The following TENM2 variants were observed in gnomAD, a reference collection of about 807,000 sequenced individuals.
TENM2 encodes the protein teneurin transmembrane protein 2, also known as teneurin-2.
Under a neutral mutation model 245.2 loss-of-function variants are expected in TENM2, and 52 were observed. The observed-to-expected ratio is 0.21, with a 90% CI of 0.17 to 0.27. The LOEUF (loss-of-function observed/expected upper bound fraction) is 0.27. TENM2 is among the 10% of genes least tolerant of loss of function. TENM2 has a pLI of 1.00. For synonymous variants in TENM2, 1,363 were observed against 1,438.9 expected (o/e 0.95, Z 1.19); for missense variants, 3,046 against 3,666.8 (o/e 0.83, Z 4.37).
intron 2 of TENM2, among the ~76,000 whole-genome samples, chr5:167,384,139 C>T (rs1761269161): frequency 6.6e-6 from 1 of 152,122 alleles, no homozygotes; most frequent in Admixed American, 6.5e-5. Flanking sequence ...TGCTGACTTT[C>T]ACTTCCTAGA....
chr5:167,729,491 A>G (rs191432081), intron 2 of TENM2, among the ~76,000 whole-genome samples: 1 of 152,328 alleles, frequency 6.6e-6, no homozygotes, highest in Non-Finnish European at 1.5e-5. Context: ...TTGCAAAATG[A>G]CCATTTTTAT....
At chr5:167,037,717 C>A in the TENM2 span, among the ~76,000 whole-genome samples, 1 of 152,064 alleles carries the variant, frequency 6.6e-6, no homozygotes, top group South Asian at 2.1e-4. Flanking sequence ...GCAAGAGAGG[C>A]AAAGAGAGGA....
At position 167,358,378 on chromosome 5, in the gene TENM2, C is replaced by G. The variant is rs966653481; in HGVS notation, c.227-16820C>G. Among the ~76,000 whole-genome samples the G allele has an allele frequency of 3.3e-5, 5 of 152,056 alleles. No homozygotes were observed. In the East Asian group the frequency reaches 9.6e-4, roughly 29 times the overall value. On this transcript the variant is annotated intron_variant, in intron 1 of 28. Coordinates refer to ENST00000518659, the Ensembl canonical transcript of TENM2. ...CAGCAACATTTGCAACAGTTAATCA[C>G]TCCCTCCTCTTTGACATACTTTCTT... is the stretch of plus-strand genomic sequence containing the variant.
chr5:167,334,166 TG>T (rs1188592594), intron 1 of TENM2, among the ~76,000 whole-genome samples: 3 of 152,230 alleles, frequency 2.0e-5, no homozygotes, highest in Non-Finnish European at 4.4e-5. Context: ...ATTTTGACAA[TG>T]GGAAAATTAA....
chr5:167,120,592 C>G, the TENM2 span, among the ~76,000 whole-genome samples: 1 of 152,114 alleles, frequency 6.6e-6, no homozygotes, highest in East Asian at 1.9e-4. Flanking sequence ...ATTTAGATTC[C>G]GTGGCAGTAC....
intron 4 of TENM2, among the ~76,000 whole-genome samples, chr5:167,977,388 T>C (rs2151954739): frequency 6.6e-6 from 1 of 152,300 alleles, no homozygotes; most frequent in Non-Finnish European, 1.5e-5. Context: ...CGAGTGATTA[T>C]ATAAAAAATT....
chr5:167,035,142 A>G, the TENM2 span, among the ~76,000 whole-genome samples: 1 of 152,186 alleles, frequency 6.6e-6, no homozygotes, highest in Non-Finnish European at 1.5e-5. Flanking sequence ...ATTTTATTTG[A>G]AACAAGCAGA....
intron 7 of TENM2, among the ~76,000 whole-genome samples, chr5:168,081,214 T>G (rs1005694108): frequency 2.6e-5 from 4 of 152,194 alleles, no homozygotes; most frequent in Non-Finnish European, 4.4e-5. Flanking sequence ...TTGATCTTTG[T>G]TGGTTTAAAG....
At chr5:167,241,059 C>CAAATTTTCCTGCACTGT in the TENM2 span, among the ~76,000 whole-genome samples, 395 of 152,176 alleles carry the variant, frequency 2.6e-3, 2 homozygotes, top group African/African-American at 9.3e-3. Context: ...AATCCAATTC[C>CAAATTTTCCTGCACTGT]AAATTGCGTT....
chr5:168,112,625 T>C (rs1581344388), intron 9 of TENM2, among the ~76,000 whole-genome samples: 1 of 132,366 alleles, frequency 7.6e-6, no homozygotes, highest in African/African-American at 2.7e-5. Flanking sequence ...GGTCAAACTT[T>C]ATTACTTTTC....
At chr5:167,436,381 A>G (rs780919097) in intron 2 of TENM2, among the ~76,000 whole-genome samples, 15 of 152,118 alleles carry the variant, frequency 9.9e-5, no homozygotes, top group Non-Finnish European at 1.6e-4. Context: ...ACCACTGGCC[A>G]GAAGAAATTT....
At chr5:167,437,763 A>T (rs544470483) in intron 2 of TENM2, among the ~76,000 whole-genome samples, 1 of 152,086 alleles carries the variant, frequency 6.6e-6, no homozygotes, top group Non-Finnish European at 1.5e-5. Context: ...TGATGATTTG[A>T]AAAGGACAAA....
intron 2 of TENM2, among the ~76,000 whole-genome samples, chr5:167,445,336 T>TATATAGAGAGAGAGAGAGAGAG (rs368881390): frequency 6.5e-5 from 5 of 77,294 alleles, no homozygotes; most frequent in Non-Finnish European, 1.2e-4. Flanking sequence ...TATATATATA[T>TATATAGAGAGAGAGAGAGAGAG]AGAGAGAGAG....
intron 2 of TENM2, among the ~76,000 whole-genome samples, chr5:167,540,771 T>C (rs1255044641): frequency 1.3e-5 from 2 of 152,342 alleles, no homozygotes; most frequent in East Asian, 3.9e-4. Flanking sequence ...TCTAAGCTTC[T>C]ATTTATAGTG....
chr5:167,771,552 T>C (rs1409545966), intron 2 of TENM2, among the ~76,000 whole-genome samples: 1 of 152,198 alleles, frequency 6.6e-6, no homozygotes, highest in Non-Finnish European at 1.5e-5. Flanking sequence ...GCATTCTTGG[T>C]AACAATTGAA....
At chr5:166,979,517 G>C in the TENM2 span, among the ~76,000 whole-genome samples, 1 of 152,122 alleles carries the variant, frequency 6.6e-6, no homozygotes, top group Non-Finnish European at 1.5e-5. Flanking sequence ...TACTGACCGA[G>C]CTGCTGGTAA....
intron 1 of TENM2, among the ~76,000 whole-genome samples, chr5:167,309,643 G>T (rs188580729): frequency 1.3e-5 from 2 of 152,086 alleles, no homozygotes; most frequent in Non-Finnish European, 2.9e-5. Context: ...ACTATAAGCC[G>T]CAGGAGATCA....
chr5:168,017,723 A>G (rs1785782796), intron 5 of TENM2, among the ~76,000 whole-genome samples: 1 of 152,144 alleles, frequency 6.6e-6, no homozygotes, highest in East Asian at 1.9e-4. Flanking sequence ...CCTTCCTGAG[A>G]ATAAAGGGGC....
At chr5:168,150,688 C>T (rs1756569091) in intron 12 of TENM2, among the ~76,000 whole-genome samples, 1 of 152,150 alleles carries the variant, frequency 6.6e-6, no homozygotes, top group Non-Finnish European at 1.5e-5. Context: ...AAGTTAAAAG[C>T]AGAAGATTTC....
Sources: gnomAD v4.1 joint callset for allele counts (sites outside exome capture counted in the v4.1 genomes callset) on GRCh38, gnomAD v4.1.1 for gene constraint, MANE v1.5 for transcripts, NCBI Gene and HGNC (gene_info 2026-07-23, HGNC 2026-07-21) for gene names.